MUC12: variants seen among roughly 807,000 people sequenced by gnomAD.
MUC12 encodes the protein mucin 12, cell surface associated, also known as mucin-12.
Under a neutral mutation model 230.8 loss-of-function variants are expected in MUC12, and 172 were observed. That is an observed-to-expected ratio of 0.75 (90% CI 0.66 to 0.85). The LOEUF is 0.85. MUC12 is among the 40% of genes least tolerant of loss of function. The probability of loss-of-function intolerance (pLI) is 0.00; values close to 1 mark genes in which losing one functional copy is unlikely to be tolerated. For synonymous variants in MUC12, 1,259 were observed against 2,401.9 expected, an observed-to-expected ratio of 0.52 and a Z score of 13.91; for missense variants, 3,506 against 5,920.6, an observed-to-expected ratio of 0.59 and a Z score of 13.38.
At chr7:100,984,176 C>T (rs549277582) in intron 1 of MUC12, among the ~76,000 whole-genome samples, 7 of 151,738 alleles carry the variant, frequency 4.6e-5, no homozygotes, top group Admixed American at 2.6e-4. Flanking sequence ...AAGTTTGTTA[C>T]GTATAGTATT....
intron 1 of MUC12, among the ~76,000 whole-genome samples, chr7:100,970,464 G>T (rs1792850565): frequency 6.8e-6 from 1 of 148,114 alleles, no homozygotes; most frequent in Non-Finnish European, 1.5e-5. Flanking sequence ...TCCAGCCTGG[G>T]CGATAAGAGC....
rs199818572 is a variant in MUC12, at chr7:101,005,048, C to T, written c.14485C>T (p.Pro4829Ser). Residue 4829 changes from proline to serine, a missense_variant, in exon 2 of 12, where the codon CCA (proline) becomes TCA (serine). By Grantham distance (74) the Pro-to-Ser change is moderately conservative. Transcript: ENST00000536621. ...AQEFTTPHSQPGSALSTVSPA... is the reference protein window; with the variant it reads ...AQEFTTPHSQSGSALSTVSPA... Reference sequence around the variant, plus strand: ...AGAATTTACCACCCCTCATAGCCAACCAGGCTCAGCTCTGTCAACAGTGTC... The same window carrying T: ...AGAATTTACCACCCCTCATAGCCAATCAGGCTCAGCTCTGTCAACAGTGTC... The T allele has an allele frequency of 2.5e-5, 38 of 1,537,668 alleles. No homozygotes were observed. In the East Asian group the frequency reaches 9.0e-4, roughly 37 times the overall value.
rs901675094 is a variant in MUC12 at position 100,992,133 on chromosome 7, T to A, written c.1570T>A (p.Ser524Thr). 2 of 1,537,632 alleles carry A rather than the reference T, an allele frequency of 1.3e-6. No homozygotes were observed. Among genetic ancestry groups the A allele is most frequent in the Non-Finnish European group, 1.7e-6 (2 of 1,147,056 alleles). The part of the protein sequence containing the change: ...SSGVSEESTT[S>T]HSRPGSTHTT... ...AGGCGTCAGTGAAGAATCCACCACCTCCCACAGCCGACCAGGCTCAACACA... is the reference window on the plus strand; with the variant it reads ...AGGCGTCAGTGAAGAATCCACCACCACCCACAGCCGACCAGGCTCAACACA... Residue 524 changes from serine (S) to threonine (T), a missense_variant, in exon 2 of 12, where the codon TCC (serine) becomes ACC (threonine). Ser to Thr is a moderately conservative substitution (Grantham distance 58). Coordinates refer to ENST00000536621, the MANE Select transcript of MUC12 (RefSeq NM_001164462.2).
In MUC12 at chr7:100,992,128, C is replaced by T. The variant is rs371055512; in HGVS notation, c.1565C>T (p.Thr522Ile). 4.4e-4 allele frequency: 681 copies of T among 1,537,066 alleles called. 1 individual carries two copies. The South Asian group carries it at 7.6e-3, about 17-fold the overall frequency. Residue 522 changes from threonine to isoleucine, a missense_variant, in exon 2 of 12, where the codon ACC becomes ATC. Thr to Ile is a moderately conservative substitution (Grantham distance 89). Coordinates refer to ENST00000536621, the MANE Select transcript of MUC12 (RefSeq NM_001164462.2). ...MTSSGVSEES[T>I]TSHSRPGSTH... ...AGCTCAGGCGTCAGTGAAGAATCCA[C>T]CACCTCCCACAGCCGACCAGGCTCA... is the stretch of plus-strand genomic sequence containing the variant.
At position 100,994,091 on chromosome 7, in the gene MUC12, C is replaced by G. The variant is rs1467974220; in HGVS notation, c.3528C>G (p.Ser1176Arg). Reference sequence around the variant, plus strand: ...CTGAAACCACAGTGTTCCCTCACAGCACCACAACCTCAGTTCATGGTGAAG... The same window carrying G: ...CTGAAACCACAGTGTTCCCTCACAGGACCACAACCTCAGTTCATGGTGAAG... ...GSTETTVFPH[S>R]TTTSVHGEEP... The change falls in exon 2 of 12, where the codon AGC becomes AGG. Residue 1176 changes from serine to arginine, a missense_variant. By Grantham distance (110) the Ser-to-Arg change is moderately radical. Coordinates refer to ENST00000536621, the MANE Select transcript of MUC12 (RefSeq NM_001164462.2). 4 of 1,027,212 alleles carry G rather than the reference C, an allele frequency of 3.9e-6. 1 individual carries two copies. The highest frequency in any genetic ancestry group is 2.6e-6 in the Non-Finnish European group (2 of 759,768). The allele number at this position is 1,027,212 out of a possible 1,614,324, so 63.6% of individuals were successfully genotyped here.
In MUC12 at chr7:100,991,623, C is replaced by A; in HGVS notation, c.1060C>A (p.His354Asn). Residue 354 changes from histidine to asparagine, a missense_variant, in exon 2 of 12, where the codon CAT becomes AAT. By Grantham distance (68) the His-to-Asn change is moderately conservative. Coordinates refer to ENST00000536621, the MANE Select transcript of MUC12 (RefSeq NM_001164462.2). ...ACCTGCCCGCTCCGCGACCTCAGGC[C>A]ATGTTGAAGAATCTACAGCCTACCA... ...PPPARSATSG[H>N]VEESTAYHRS... The A allele has an allele frequency of 6.5e-7, 1 of 1,536,946 alleles. No individual in the cohort carries two copies. The highest frequency in any genetic ancestry group is 8.7e-7 in the Non-Finnish European group (1 of 1,146,320).
At chr7:101,012,177 T>C in intron 5 of MUC12, 119 bp from the exon 6 acceptor site, 1 of 1,107,230 alleles carries the variant, frequency 9.0e-7, no homozygotes, top group Non-Finnish European at 1.3e-6. Flanking sequence ...GACTCTGTAT[T>C]CTTTCTCACC....
Position 100,991,383 on chromosome 7 carries a change from G to A in MUC12, c.820G>A (p.Glu274Lys). ...SPSSSTTHEGEPTTFQSWPSS... is the reference protein window; with the variant it reads ...SPSSSTTHEGKPTTFQSWPSS... ...TTCCAGCTCTACAACCCATGAGGGAGAACCTACCACCTTCCAGAGCTGGCC... is the reference window on the plus strand; with the variant it reads ...TTCCAGCTCTACAACCCATGAGGGAAAACCTACCACCTTCCAGAGCTGGCC... Residue 274 changes from glutamate to lysine, a missense_variant, in exon 2 of 12, where the codon GAA becomes AAA. Transcript: ENST00000536621. The A allele has an allele frequency of 6.5e-7, 1 of 1,537,824 alleles. No individual in the cohort carries two copies. Among genetic ancestry groups the A allele is most frequent in the Non-Finnish European group, 8.7e-7 (1 of 1,147,054 alleles).
At position 101,005,154 on chromosome 7, in the gene MUC12, C is replaced by T. The variant is rs1293853169; in HGVS notation, c.14591C>T (p.Ala4864Val). Residue 4864 changes from alanine (A) to valine (V), a missense_variant, in exon 2 of 12, where the codon GCG becomes GTG. Physicochemically the swap from Ala to Val is moderately conservative, Grantham distance 64 (BLOSUM62 0). Transcript: ENST00000536621. ...YSSPGSTETT[A>V]FSHSNTMSIH... The stretch of plus-strand genomic sequence containing the variant: ...AGCCCAGGCTCAACTGAAACCACAG[C>T]GTTTTCTCACAGCAACACAATGTCC... 1.6e-5 allele frequency: 25 copies of T among 1,537,790 alleles called. No homozygotes were observed. Among genetic ancestry groups the T allele is most frequent in the African/African-American group, 6.8e-5 (5 of 73,024 alleles).
intron 9 of MUC12, among the ~76,000 whole-genome samples, chr7:101,014,760 G>A (rs1291621329): frequency 6.6e-6 from 1 of 151,414 alleles, no homozygotes; most frequent in Non-Finnish European, 1.5e-5. Flanking sequence ...TTACAGGTGT[G>A]AGCCACCGTG....
At chr7:100,987,798 C>A (rs1338576238) in intron 1 of MUC12, among the ~76,000 whole-genome samples, 2 of 151,716 alleles carry the variant, frequency 1.3e-5, no homozygotes, top group African/African-American at 2.4e-5. Flanking sequence ...CATGGAGAAA[C>A]CCCACCTCTA....
chr7:100,983,832 C>T (rs1793145944), intron 1 of MUC12, among the ~76,000 whole-genome samples: 1 of 152,186 alleles, frequency 6.6e-6, no homozygotes. Context: ...ACACATTCTA[C>T]TTTTATAACG....
chr7:101,013,846 G>A, intron 8 of MUC12, 67 bp from the exon 9 acceptor site: 1 of 1,467,924 alleles, frequency 6.8e-7, no homozygotes, highest in South Asian at 1.4e-5. Context: ...AGGAGAGTGG[G>A]TTAACCCTTG....
In MUC12 at chr7:100,991,393, C is replaced by T. The variant is rs895475602; in HGVS notation, c.830C>T (p.Thr277Ile). The change falls in exon 2 of 12, where the codon ACC becomes ATC. Residue 277 changes from threonine to isoleucine, a missense_variant. Coordinates refer to ENST00000536621, the MANE Select transcript of MUC12 (RefSeq NM_001164462.2). ...SSTTHEGEPT[T>I]FQSWPSSKDT... is the part of the protein sequence containing the mutation. Reference sequence around the variant, plus strand: ...ACAACCCATGAGGGAGAACCTACCACCTTCCAGAGCTGGCCAAGCTCAAAG... The same window carrying T: ...ACAACCCATGAGGGAGAACCTACCATCTTCCAGAGCTGGCCAAGCTCAAAG... 6.5e-7 allele frequency: 1 copy of T among 1,537,852 alleles called. No homozygotes were observed. Among genetic ancestry groups the T allele is most frequent in the Middle Eastern group, 1.7e-4 (1 of 5,994 alleles).
chr7:101,009,155 T>C lies in MUC12; in HGVS notation c.15247T>C (p.Leu5083=), dbSNP rs754474644. The C allele has an allele frequency of 7.2e-6, 11 of 1,537,640 alleles. No homozygotes were observed. In the South Asian group the frequency reaches 9.5e-5, roughly 13 times the overall value. The change falls in exon 5 of 12, where the codon TTG becomes CTG. Residue 5083 remains leucine, a synonymous_variant. Transcript: ENST00000536621. The part of the protein sequence containing the change: ...PQYRGVNIRR[L]LNGSIVVKND... ...GTATAGAGGGGTGAACATTCGGAGATTGCTGTGAGTATATTGGGGGGCAGG... is the reference window on the plus strand; with the variant it reads ...GTATAGAGGGGTGAACATTCGGAGACTGCTGTGAGTATATTGGGGGGCAGG...
chr7:101,004,531 C>T lies in MUC12; in HGVS notation c.13968C>T (p.Thr4656=), dbSNP rs1248673248. 3.4e-5 allele frequency: 52 copies of T among 1,534,456 alleles called. No individual in the cohort carries two copies. The highest frequency in any genetic ancestry group is 9.9e-5 in the Admixed American group (5 of 50,648). The change falls in exon 2 of 12, where the codon ACC becomes ACT. Residue 4656 remains threonine (T), a synonymous_variant. Coordinates refer to ENST00000536621, the MANE Select transcript of MUC12 (RefSeq NM_001164462.2). ...STTSALVEEP[T]SYHSSPGSIA... The stretch of plus-strand genomic sequence containing the variant: ...CATCTGCCCTTGTTGAAGAACCTAC[C>T]AGCTACCACAGCAGCCCGGGCTCAA...
chr7:100,982,335 A>G (rs373787034), intron 1 of MUC12, among the ~76,000 whole-genome samples: 6 of 151,878 alleles, frequency 4.0e-5, no homozygotes, highest in African/African-American at 1.4e-4. Context: ...CACCTCTGGG[A>G]CCCCACACAT....
Position 101,018,790 on chromosome 7 carries a change from C to G in MUC12, c.*154C>G. ...CTGACAGACTTGGCCAGTCCCCTGC[C>G]TGTGCTCCTGCTGGGGAAGGCTGGG... On this transcript the variant is annotated 3_prime_UTR_variant, in exon 12 of 12. Coordinates refer to ENST00000536621, the MANE Select transcript of MUC12 (RefSeq NM_001164462.2). The G allele has an allele frequency of 1.4e-6, 1 of 697,816 alleles. No individual in the cohort carries two copies. Among genetic ancestry groups the G allele is most frequent in the Non-Finnish European group, 2.2e-6 (1 of 455,054 alleles). The allele number at this position is 697,816 out of a possible 1,614,324, so 43.2% of individuals were successfully genotyped here.
Position 100,995,538 on chromosome 7 carries a change from G to A in MUC12, c.4975G>A (p.Ala1659Thr), listed in dbSNP as rs200077223. The change falls in exon 2 of 12, where the codon GCA becomes ACA. Residue 1659 changes from alanine to threonine, a missense_variant. By Grantham distance (58) the Ala-to-Thr change is moderately conservative. Coordinates refer to ENST00000536621, the MANE Select transcript of MUC12 (RefSeq NM_001164462.2). ...DNTTASGLLE[A>T]STPVHSSTGS... ...CACCACAGCCTCAGGCCTCCTTGAA[G>A]CATCTACGCCCGTCCACAGCAGCAC... 16 of 1,536,254 alleles carry A rather than the reference G, an allele frequency of 1.0e-5. No homozygotes were observed. Among genetic ancestry groups the A allele is most frequent in the East Asian group, 4.9e-5 (2 of 40,886 alleles).
Sources: gnomAD v4.1 joint callset for allele counts (sites outside exome capture counted in the v4.1 genomes callset) on GRCh38, gnomAD v4.1.1 for gene constraint, MANE v1.5 for transcripts, NCBI Gene and HGNC (gene_info 2026-07-23, HGNC 2026-07-21) for gene names.